RND3: variants seen among roughly 807,000 people sequenced by gnomAD.
RND3 encodes the protein Rho family GTPase 3.
In RND3, 8 loss-of-function variants were observed where a neutral mutation model predicts 26.5. That is an observed-to-expected ratio of 0.30 (90% CI 0.18 to 0.54). RND3 has a LOEUF of 0.54. Among genes scored for constraint, RND3 ranks in the 20% least tolerant of loss-of-function variants. The pLI is 0.94. For synonymous variants in RND3, 113 were observed against 113.0 expected (o/e 1.00, Z 0.00); for missense variants, 207 against 302.8 (o/e 0.68, Z 2.35).
chr2:150,471,815 T>C (rs1686092393), intron 4 of RND3, 54 bp from the exon 5 acceptor site: 12 of 1,444,538 alleles, frequency 8.3e-6, no homozygotes, highest in Non-Finnish European at 1.1e-5. Context: ...GGTATCCATA[T>C]CATGAAAACC....
At chr2:150,472,666 G>T (rs1686105445) in intron 4 of RND3, among the ~76,000 whole-genome samples, 3 of 152,084 alleles carry the variant, frequency 2.0e-5, no homozygotes, top group Admixed American at 2.0e-4. Flanking sequence ...GCTGAGATGG[G>T]GAAGTGGCGC....
intron 3 of RND3, among the ~76,000 whole-genome samples, chr2:150,484,297 C>G (rs557140989): frequency 6.6e-6 from 1 of 152,204 alleles, no homozygotes; most frequent in Admixed American, 6.5e-5. Flanking sequence ...CCTGCACATA[C>G]GAAGGACAGC....
chr2:150,475,015 A>C (rs745845691), intron 3 of RND3, 31 bp from the exon 4 acceptor site: 1 of 1,367,578 alleles, frequency 7.3e-7, no homozygotes, highest in Admixed American at 1.7e-5. Flanking sequence ...ACAAATTTTC[A>C]GATGAGAGTC....
At chr2:150,474,645 G>A (rs1686137188) in intron 4 of RND3, among the ~76,000 whole-genome samples, 1 of 152,144 alleles carries the variant, frequency 6.6e-6, no homozygotes, top group Admixed American at 6.5e-5. Context: ...GGACAAACAT[G>A]AAGGCCCTTA....
At chr2:150,470,308 T>A in intron 5 of RND3, 70 bp from the exon 6 acceptor site, 1 of 1,481,926 alleles carries the variant, frequency 6.7e-7, no homozygotes, top group Admixed American at 1.9e-5. Flanking sequence ...CATCTTCTAA[T>A]ACCACAAAAT....
chr2:150,473,548 T>C (rs994191945), intron 4 of RND3, among the ~76,000 whole-genome samples: 2 of 152,290 alleles, frequency 1.3e-5, no homozygotes, highest in East Asian at 3.9e-4. Context: ...GAAAGGTGTA[T>C]TCCTGCCTGG....
intron 5 of RND3, 138 bp from the exon 6 acceptor site, chr2:150,470,376 C>CAAA: frequency 3.1e-6 from 2 of 645,906 alleles, no homozygotes; most frequent in Non-Finnish European, 4.7e-6. Flanking sequence ...AGTGTCATTG[C>CAAA]AAAAAAAAAA....
Position 150,486,940 on chromosome 2 carries a change from A to G in RND3, c.151-159T>C. Reference sequence around the variant, plus strand: ...ACACTAAGCACATGGACCCTTTCCGAAACCCCTGTCCTACTCCCCACTCAC... The same window carrying G: ...ACACTAAGCACATGGACCCTTTCCGGAACCCCTGTCCTACTCCCCACTCAC... On this transcript the variant is annotated intron_variant, in intron 2 of 5. Transcript: ENST00000263895. The surrounding 1 kb of genome is among the most constrained non-coding windows in gnomAD (Gnocchi z 4.5). 1 of 668,438 alleles carries G rather than the reference A, an allele frequency of 1.5e-6. No individual in the cohort carries two copies. The highest frequency in any genetic ancestry group is 2.7e-6 in the Non-Finnish European group (1 of 369,350). The allele number at this position is 668,438 out of a possible 1,614,324, so 41.4% of individuals were successfully genotyped here.
chr2:150,485,054 G>A (rs1188180178), intron 3 of RND3, among the ~76,000 whole-genome samples: 1 of 152,176 alleles, frequency 6.6e-6, no homozygotes, highest in African/African-American at 2.4e-5. Context: ...AGGAACTACT[G>A]AAATAAGGAA....
chr2:150,473,931 G>A (rs1266901928), intron 4 of RND3, among the ~76,000 whole-genome samples: 1 of 152,178 alleles, frequency 6.6e-6, no homozygotes, highest in Non-Finnish European at 1.5e-5. Flanking sequence ...AGTTGACACT[G>A]CCTTGCTCTC....
rs997903895 is a variant in RND3, at chr2:150,470,368, T to C, written c.484-130A>G. The C allele has an allele frequency of 3.5e-5, 34 of 977,050 alleles. No individual in the cohort carries two copies. In the African/African-American group the frequency reaches 4.6e-4, roughly 13 times the overall value. The allele number at this position is 977,050 out of a possible 1,614,324, so 60.5% of individuals were successfully genotyped here. Reference sequence around the variant, plus strand: ...TGATATGTTAACTGAATTTTCCAAGTGTCATTGCAAAAAAAAAAAGTTGTT... The same window carrying C: ...TGATATGTTAACTGAATTTTCCAAGCGTCATTGCAAAAAAAAAAAGTTGTT... On this transcript the variant is annotated intron_variant, in intron 5 of 5. Transcript: ENST00000263895.
At chr2:150,472,710 A>G (rs1686105892) in intron 4 of RND3, among the ~76,000 whole-genome samples, 1 of 152,182 alleles carries the variant, frequency 6.6e-6, no homozygotes, top group Non-Finnish European at 1.5e-5. Context: ...CAAATATGTA[A>G]GTGTTCTACT....
rs1553460840 is a variant in RND3 at position 150,469,644 on chromosome 2, A to AAAAC, written c.*342_*343insGTTT. The AAAAC allele has an allele frequency of 2.6e-5, 2 of 77,452 alleles. No homozygotes were observed. The highest frequency in any genetic ancestry group is 4.4e-4 in the African/African-American group (1 of 2,284). The allele number at this position is 77,452 out of a possible 1,614,324, so 4.8% of individuals were successfully genotyped here. A position where few individuals can be genotyped will look rare whatever the true frequency, so the allele number is the denominator to read the frequency against. ...TGGAGATCCATGAATAGATTATAAC[A>AAAAC]AAAAAAAAAAACCCAAAAATGCAAG... On this transcript the variant is annotated 3_prime_UTR_variant, in exon 6 of 6. Coordinates refer to ENST00000263895, the MANE Select transcript of RND3 (RefSeq NM_005168.5).
intron 4 of RND3, among the ~76,000 whole-genome samples, chr2:150,472,309 T>A (rs1241802447): frequency 6.6e-6 from 1 of 152,184 alleles, no homozygotes; most frequent in East Asian, 1.9e-4. Flanking sequence ...CATCCTGCCT[T>A]GAAGGAGTTT....
chr2:150,478,410 A>G (rs1333236568), intron 3 of RND3, among the ~76,000 whole-genome samples: 1 of 151,860 alleles, frequency 6.6e-6, no homozygotes, highest in Non-Finnish European at 1.5e-5. Context: ...CCAAAAAAAA[A>G]GGAAGAGGAA....
In RND3 at chr2:150,487,286, G is replaced by T. The variant is rs1157549482; in HGVS notation, c.132C>A (p.Ala44=). 6.3e-7 allele frequency: 1 copy of T among 1,598,028 alleles called. No homozygotes were observed. Among genetic ancestry groups the T allele is most frequent in the Non-Finnish European group, 8.5e-7 (1 of 1,171,936 alleles). The change falls in exon 2 of 6, where the codon GCC becomes GCA. Residue 44 remains alanine (A), a synonymous_variant. Transcript: ENST00000263895. ...CACTCACCTCGGGGAAGCAGTCCTT[G>T]GCGAAGACATGGAGCAGCGCAGTTT... ...CGKTALLHVF[A]KDCFPENYVP...
chr2:150,480,314 G>A (rs1686249443), intron 3 of RND3, among the ~76,000 whole-genome samples: 1 of 152,084 alleles, frequency 6.6e-6, no homozygotes, highest in Non-Finnish European at 1.5e-5. Context: ...CACAACACCT[G>A]GTCAAACTTC....
rs937510788 is a variant in RND3 at position 150,486,360 on chromosome 2, C to G, written c.238+334G>C. On this transcript the variant is annotated intron_variant, in intron 3 of 5. Coordinates refer to ENST00000263895, the MANE Select transcript of RND3 (RefSeq NM_005168.5). The surrounding 1 kb of genome is among the most constrained non-coding windows in gnomAD (Gnocchi z 4.5). Reference sequence around the variant, plus strand: ...GGTTCCGCCGAGGCGCACGCAGCGCCCATGCAACACCCCACAGTATCGGGC... The same window carrying G: ...GGTTCCGCCGAGGCGCACGCAGCGCGCATGCAACACCCCACAGTATCGGGC... Among the ~76,000 whole-genome samples the G allele has an allele frequency of 6.6e-6, 1 of 152,088 alleles. No individual in the cohort carries two copies. The highest frequency in any genetic ancestry group is 1.5e-5 in the Non-Finnish European group (1 of 68,002).
Position 150,468,903 on chromosome 2 carries a change from T to C in RND3, c.*1084A>G, listed in dbSNP as rs1429680470. 1 of 152,610 alleles carries C rather than the reference T, an allele frequency of 6.6e-6. No homozygotes were observed. The highest frequency in any genetic ancestry group is 2.4e-5 in the African/African-American group (1 of 41,450). The allele number at this position is 152,610 out of a possible 1,614,324, so 9.5% of individuals were successfully genotyped here. ...TAAAGCTTGGGTAAGTGGCATCTTC[T>C]CTCATCAATGTTCATTTAATGAAAA... is the stretch of plus-strand genomic sequence containing the variant. On this transcript the variant is annotated 3_prime_UTR_variant, in exon 6 of 6. Transcript: ENST00000263895.
Sources: allele counts gnomAD v4.1 joint callset (sites outside exome capture counted in the v4.1 genomes callset), GRCh38; gene constraint gnomAD v4.1.1; non-coding constraint Gnocchi (gnomAD v3.1); transcripts MANE v1.5; gene names NCBI Gene and HGNC (gene_info 2026-07-23, HGNC 2026-07-21).